CRHR1: variants seen among roughly 807,000 people sequenced by gnomAD.
CRHR1 encodes corticotropin releasing hormone receptor 1.
Under a neutral mutation model 56.0 loss-of-function variants are expected in CRHR1, and 28 were observed. That is an observed-to-expected ratio of 0.50 (90% CI 0.37 to 0.69). The LOEUF is 0.69. Among genes scored for constraint, CRHR1 ranks in the 30% least tolerant of loss-of-function variants. CRHR1 has a pLI of 0.00. For missense variants in CRHR1, 376 were observed against 548.0 expected (o/e 0.69, Z 3.13); for synonymous variants, 195 against 216.5 (o/e 0.90, Z 0.87).
chr17:45,833,475 C>G lies in CRHR1; in HGVS notation c.867C>G (p.Asn289Lys), dbSNP rs1246311714. 5 of 1,614,048 alleles carry G rather than the reference C, an allele frequency of 3.1e-6. No homozygotes were observed. The highest frequency in any genetic ancestry group is 4.2e-6 in the Non-Finnish European group (5 of 1,179,996). ...AGATCAATTTCATCTTCCTTTTCAACATCGTCCGCATCCTCATGACCAAGC... is the reference window on the plus strand; with the variant it reads ...AGATCAATTTCATCTTCCTTTTCAAGATCGTCCGCATCCTCATGACCAAGC... Reference protein sequence around the residue: ...VLLINFIFLFNIVRILMTKLR... With the variant: ...VLLINFIFLFKIVRILMTKLR... The change falls in exon 10 of 13, where the codon AAC (asparagine) becomes AAG (lysine). Residue 289 changes from asparagine (N) to lysine (K), a missense_variant. Around this residue, in one of 2 missense-constraint regions of CRHR1, gnomAD observed 369 missense variants for 519.5 expected, o/e 0.71. Transcript: ENST00000314537.
intron 10 of CRHR1, 36 bp downstream of exon 10, chr17:45,833,573 A>T (rs747600909): frequency 1.9e-6 from 3 of 1,604,528 alleles, no homozygotes; most frequent in Non-Finnish European, 2.6e-6. Flanking sequence ...CCTCCCCCTG[A>T]TGAAACCCCT....
Position 45,833,695 on chromosome 17 carries a change from C to CT in CRHR1, c.930-19_930-18insT. ...GGGGTGGGCTGTGACTCCGAGCCTC[C>CT]CCACCCGCCCCACCCCAGGAAGGCT... is the stretch of plus-strand genomic sequence containing the variant. On this transcript the variant is annotated intron_variant, in intron 10 of 12. Coordinates refer to ENST00000314537, the MANE Select transcript of CRHR1 (RefSeq NM_004382.5). 1 of 585,262 alleles carries CT rather than the reference C, an allele frequency of 1.7e-6. No individual in the cohort carries two copies. The allele number at this position is 585,262 out of a possible 1,614,324, so 36.3% of individuals were successfully genotyped here.
intron 2 of CRHR1, among the ~76,000 whole-genome samples, chr17:45,811,917 A>G (rs1385355678): frequency 1.3e-5 from 2 of 152,134 alleles, no homozygotes; most frequent in East Asian, 3.8e-4. Flanking sequence ...AGGACAGGGC[A>G]TTTATTTGAT....
chr17:45,801,950 A>G (rs1407785543), intron 1 of CRHR1, among the ~76,000 whole-genome samples: 1 of 151,720 alleles, frequency 6.6e-6, no homozygotes. Context: ...ACACACACCA[A>G]CTGCATTTAT....
Position 45,830,911 on chromosome 17 carries a change from C to T in CRHR1, c.741C>T (p.Ala247=). ...CCTTCCCCATCATTGTGGCCTGGGC[C>T]ATTGGGAAGCTGTACTACGACAATG... is the stretch of plus-strand genomic sequence containing the variant. ...GVPFPIIVAW[A]IGKLYYDNEK... is the part of the protein sequence containing the mutation. Residue 247 remains alanine, a synonymous_variant, in exon 8 of 13, where the codon GCC becomes GCT. Coordinates refer to ENST00000314537, the MANE Select transcript of CRHR1 (RefSeq NM_004382.5). 1 of 1,613,926 alleles carries T rather than the reference C, an allele frequency of 6.2e-7. No homozygotes were observed. Among genetic ancestry groups the T allele is most frequent in the Non-Finnish European group, 8.5e-7 (1 of 1,179,930 alleles).
intron 1 of CRHR1, chr17:45,800,624 A>T (rs2061604365): frequency 6.6e-6 from 1 of 152,180 alleles, no homozygotes; most frequent in African/African-American, 2.4e-5. Flanking sequence ...GAGTCAGGTG[A>T]CTCACCGAAA....
Position 45,829,720 on chromosome 17 carries a change from G to A in CRHR1, c.435-374G>A, listed in dbSNP as rs1424524356. ...GGGATGGGGATGGTTGGGATCAGGA[G>A]CCGAGCATCAGGGCTGGAGGCTGGG... On this transcript the variant is annotated intron_variant, in intron 5 of 12. Coordinates refer to ENST00000314537, the MANE Select transcript of CRHR1 (RefSeq NM_004382.5). The A allele has an allele frequency of 2.1e-6, 3 of 1,424,526 alleles. No homozygotes were observed. The African/African-American group carries it at 4.3e-5, about 20-fold the overall frequency. The allele number at this position is 1,424,526 out of a possible 1,614,324, so 88.2% of individuals were successfully genotyped here. A position where few individuals can be genotyped will look rare whatever the true frequency, so the allele number is the denominator to read the frequency against.
intron 2 of CRHR1, among the ~76,000 whole-genome samples, chr17:45,812,498 G>A (rs2061842222): frequency 6.6e-6 from 1 of 152,230 alleles, no homozygotes; most frequent in African/African-American, 2.4e-5. Context: ...CACCTGCCAG[G>A]AGAGCAGAAG....
Position 45,821,309 on chromosome 17 carries a change from G to A in CRHR1, c.242-46G>A, listed in dbSNP as rs780252219. ...CATCTGGGCCAGGATGGTCAGGCAG[G>A]GGCCGGGGCTGCCCCGCCATCACTG... On this transcript the variant is annotated intron_variant, in intron 3 of 12. Transcript: ENST00000314537. The A allele has an allele frequency of 2.6e-6, 4 of 1,564,056 alleles. No individual in the cohort carries two copies. In the South Asian group the frequency reaches 3.3e-5, roughly 13 times the overall value.
chr17:45,802,851 A>G (rs1166776954), intron 1 of CRHR1, among the ~76,000 whole-genome samples: 1 of 152,200 alleles, frequency 6.6e-6, no homozygotes, highest in Non-Finnish European at 1.5e-5. Context: ...GCACGCCAGG[A>G]CATTAAGATG....
Position 45,784,643 on chromosome 17 carries a change from C to T in CRHR1, c.33+66C>T. ...GGCCCCTGGCGGACGCGGGACGGGGCTGGGCTGTGGGTGTGATGGGGGCGG... is the reference window on the plus strand; with the variant it reads ...GGCCCCTGGCGGACGCGGGACGGGGTTGGGCTGTGGGTGTGATGGGGGCGG... On this transcript the variant is annotated intron_variant, in intron 1 of 12. Coordinates refer to ENST00000314537, the MANE Select transcript of CRHR1 (RefSeq NM_004382.5). The surrounding 1 kb of genome is among the most constrained non-coding windows in gnomAD (Gnocchi z 4.2). 4 of 1,479,542 alleles carry T rather than the reference C, an allele frequency of 2.7e-6. No individual in the cohort carries two copies. Among genetic ancestry groups the T allele is most frequent in the Non-Finnish European group, 3.6e-6 (4 of 1,107,030 alleles). The allele number at this position is 1,479,542 out of a possible 1,614,324, so 91.7% of individuals were successfully genotyped here.
At chr17:45,816,351 TG>T in intron 2 of CRHR1, 111 bp from the exon 3 acceptor site, 2 of 1,420,746 alleles carry the variant, frequency 1.4e-6, no homozygotes, top group Non-Finnish European at 9.5e-7. Context: ...TGTCCCTAGC[TG>T]GTGTGAGTGG....
chr17:45,794,181 C>T (rs533194813), intron 1 of CRHR1, among the ~76,000 whole-genome samples: 6 of 152,386 alleles, frequency 3.9e-5, no homozygotes, highest in Admixed American at 1.3e-4. Flanking sequence ...CGTGATTCAC[C>T]TGGCAAGTCT....
At position 45,784,711 on chromosome 17, in the gene CRHR1, C is replaced by T; in HGVS notation, c.33+134C>T. On this transcript the variant is annotated intron_variant, in intron 1 of 12. Transcript: ENST00000314537. This position sits in a 1 kb window ranked among gnomAD's most constrained non-coding sequence, Gnocchi z 4.2. ...TGCTTAGGTCGGGGAAGGCTGGGCT[C>T]CGGGGCAGCCTAACTCTCTGGACCT... is the stretch of plus-strand genomic sequence containing the variant. 1 of 904,466 alleles carries T rather than the reference C, an allele frequency of 1.1e-6. No homozygotes were observed. Among genetic ancestry groups the T allele is most frequent in the Non-Finnish European group, 1.5e-6 (1 of 649,354 alleles). 56.0% of individuals were successfully genotyped at this position (904,466 alleles called of 1,614,324 possible).
chr17:45,815,725 A>G (rs1224908651), intron 2 of CRHR1, among the ~76,000 whole-genome samples: 2 of 152,216 alleles, frequency 1.3e-5, no homozygotes, highest in Non-Finnish European at 2.9e-5. Context: ...TGACTTGCCT[A>G]TGATCTCACA....
At chr17:45,830,599 G>A (rs1452293101) in intron 7 of CRHR1, 29 bp downstream of exon 7, 2 of 1,578,410 alleles carry the variant, frequency 1.3e-6, no homozygotes, top group South Asian at 1.2e-5. Context: ...TCCGCAGCCT[G>A]GGCAGTGGCG....
intron 1 of CRHR1, among the ~76,000 whole-genome samples, chr17:45,788,011 C>A (rs190160796): frequency 6.6e-6 from 1 of 151,946 alleles, no homozygotes. Flanking sequence ...GTTGAACACT[C>A]ACCCAGAGCC....
rs528078275 is a variant in CRHR1 at position 45,812,480 on chromosome 17, A to G, written c.122-3983A>G. ...CAGGACTATGACGGCTGACTAGGAAAATACCTCCACCTGCCAGGAGAGCAG... is the reference window on the plus strand; with the variant it reads ...CAGGACTATGACGGCTGACTAGGAAGATACCTCCACCTGCCAGGAGAGCAG... On this transcript the variant is annotated intron_variant, in intron 2 of 12. Transcript: ENST00000314537. Among the ~76,000 whole-genome samples, 184 of 152,270 alleles carry G rather than the reference A, an allele frequency of 1.2e-3. 1 individual carries two copies. Among genetic ancestry groups the G allele is most frequent in the African/African-American group, 4.2e-3 (176 of 41,552 alleles).
rs1026981544 is a variant in CRHR1 at position 45,829,965 on chromosome 17, T to C, written c.435-129T>C. 5 of 1,435,108 alleles carry C rather than the reference T, an allele frequency of 3.5e-6. No individual in the cohort carries two copies. The East Asian group carries it at 1.1e-4, about 33-fold the overall frequency. 88.9% of individuals were successfully genotyped at this position (1,435,108 alleles called of 1,614,324 possible). On this transcript the variant is annotated intron_variant, in intron 5 of 12. Transcript: ENST00000314537. Reference sequence around the variant, plus strand: ...CCTGGCTGTCACCTCCCTGTGTGACTTGGCCAGTCAGCCCCACCCTGTGCC... The same window carrying C: ...CCTGGCTGTCACCTCCCTGTGTGACCTGGCCAGTCAGCCCCACCCTGTGCC...
Sources: gnomAD v4.1 joint callset for allele counts (sites outside exome capture counted in the v4.1 genomes callset) on GRCh38, gnomAD v4.1.1 for gene constraint, gnomAD v4.1.1 regional missense constraint, Gnocchi (gnomAD v3.1) non-coding constraint, MANE v1.5 for transcripts, NCBI Gene and HGNC (gene_info 2026-07-23, HGNC 2026-07-21) for gene names.